The following HS6ST3 variants were observed in gnomAD, a reference collection of about 807,000 sequenced individuals.
The protein encoded by HS6ST3 is heparan sulfate 6-O-sulfotransferase 3.
Under a neutral mutation model 36.7 loss-of-function variants are expected in HS6ST3, and 12 were observed. The ratio of observed to expected loss-of-function variants is 0.33; its 90% CI spans 0.21 to 0.53. The LOEUF (loss-of-function observed/expected upper bound fraction) is 0.53, where lower values mean the gene tolerates loss of function less well. Ranked by LOEUF, HS6ST3 falls within the 20% of genes least tolerant of loss-of-function variation. The pLI is 0.95. For missense variants in HS6ST3, 584 were observed against 640.9 expected (o/e 0.91, Z 0.96); for synonymous variants, 240 against 257.5 (o/e 0.93, Z 0.65).
chr13:96,664,976 A>G (rs528113238), intron 1 of HS6ST3, among the ~76,000 whole-genome samples: 107 of 152,156 alleles, frequency 7.0e-4, no homozygotes, highest in Non-Finnish European at 1.3e-3. Context: ...GTCCAAGACC[A>G]GCCCGGGCAA....
At chr13:96,374,187 G>A (rs1401612230) in intron 1 of HS6ST3, among the ~76,000 whole-genome samples, 1 of 151,976 alleles carries the variant, frequency 6.6e-6, no homozygotes. Context: ...AATCTTTACA[G>A]TATTTTTGTT....
At chr13:96,513,421 A>T (rs1478844424) in intron 1 of HS6ST3, among the ~76,000 whole-genome samples, 1 of 151,982 alleles carries the variant, frequency 6.6e-6, no homozygotes, top group Non-Finnish European at 1.5e-5. Flanking sequence ...GTCTGTATGC[A>T]TTGCCATAAT....
intron 1 of HS6ST3, among the ~76,000 whole-genome samples, chr13:96,352,622 C>G (rs1480529766): frequency 6.6e-6 from 1 of 152,104 alleles, no homozygotes; most frequent in East Asian, 1.9e-4. Context: ...GGAGACTGCC[C>G]AAGGACATGA....
At position 96,274,839 on chromosome 13, in the gene HS6ST3, T is replaced by TCACACACA. The variant is rs60430769; in HGVS notation, c.707+183318_707+183325dup. Among the ~76,000 whole-genome samples, 533 of 126,170 alleles carry TCACACACA rather than the reference T, an allele frequency of 4.2e-3. 7 individuals carry two copies. The highest frequency in any genetic ancestry group is 5.4e-3 in the Non-Finnish European group (326 of 59,920). 82.8% of individuals were successfully genotyped at this position (126,170 alleles called of 152,430 possible). ...ATCAGTGATTAGCTAACTTAGTCCT[T>TCACACACA]CACACACACACACACACACACACAC... On this transcript the variant is annotated intron_variant, in intron 1 of 1. Coordinates refer to ENST00000376705, the MANE Select transcript of HS6ST3 (RefSeq NM_153456.4).
Position 96,318,414 on chromosome 13 carries a change from C to A in HS6ST3, c.707+226845C>A, listed in dbSNP as rs187614757. Among the ~76,000 whole-genome samples the A allele has an allele frequency of 7.1e-4, 108 of 152,290 alleles. 2 individuals are homozygous for A. Among genetic ancestry groups the A allele is most frequent in the African/African-American group, 2.5e-3 (104 of 41,558 alleles). ...AGGTATGGTGGCAGCTGCCTGTAAT[C>A]CCAGCTACTTGGGAGGCTGAGGCAG... is the stretch of plus-strand genomic sequence containing the variant. On this transcript the variant is annotated intron_variant, in intron 1 of 1. Coordinates refer to ENST00000376705, the MANE Select transcript of HS6ST3 (RefSeq NM_153456.4).
At chr13:96,164,268 T>C (rs1320429566) in intron 1 of HS6ST3, among the ~76,000 whole-genome samples, 1 of 152,190 alleles carries the variant, frequency 6.6e-6, no homozygotes, top group Non-Finnish European at 1.5e-5. Flanking sequence ...CATGCATGGC[T>C]AGTGTTAAGC....
chr13:96,166,571 C>A (rs1391636284), intron 1 of HS6ST3, among the ~76,000 whole-genome samples: 7 of 140,538 alleles, frequency 5.0e-5, no homozygotes. Flanking sequence ...TTCTTTCTTT[C>A]TTTCTTTTTT....
intron 1 of HS6ST3, among the ~76,000 whole-genome samples, chr13:96,132,969 C>T (rs370960143): frequency 4.0e-5 from 6 of 151,070 alleles, no homozygotes; most frequent in South Asian, 2.1e-4. Context: ...TTTTTTTAAT[C>T]GGGTTATTTG....
At chr13:96,609,711 A>G (rs909704662) in intron 1 of HS6ST3, among the ~76,000 whole-genome samples, 5 of 152,236 alleles carry the variant, frequency 3.3e-5, no homozygotes, top group African/African-American at 9.6e-5. Context: ...ATTTTCTTCA[A>G]TTATGAAGCA....
chr13:96,164,855 T>G (rs2054153415), intron 1 of HS6ST3, among the ~76,000 whole-genome samples: 1 of 152,192 alleles, frequency 6.6e-6, no homozygotes, highest in South Asian at 2.1e-4. Flanking sequence ...ACAGATTTTT[T>G]TTTTAATTAC....
chr13:96,138,700 G>A (rs1273722104), intron 1 of HS6ST3, among the ~76,000 whole-genome samples: 2 of 151,956 alleles, frequency 1.3e-5, no homozygotes, highest in East Asian at 3.8e-4. Flanking sequence ...GCTTGGTTAA[G>A]TGGATAGTAA....
chr13:96,168,034 A>C (rs1288976946), intron 1 of HS6ST3, among the ~76,000 whole-genome samples: 1 of 152,322 alleles, frequency 6.6e-6, no homozygotes, highest in East Asian at 1.9e-4. Context: ...GAACAAATCG[A>C]AAGTTTTATT....
At chr13:96,632,781 C>T (rs1265885541) in intron 1 of HS6ST3, among the ~76,000 whole-genome samples, 1 of 152,130 alleles carries the variant, frequency 6.6e-6, no homozygotes, top group Non-Finnish European at 1.5e-5. Flanking sequence ...TCGTTGTTAG[C>T]ATCAGCGATG....
intron 1 of HS6ST3, among the ~76,000 whole-genome samples, chr13:96,100,074 G>T (rs142251112): frequency 6.6e-6 from 1 of 151,830 alleles, no homozygotes; most frequent in African/African-American, 2.4e-5. Flanking sequence ...TACAAAGGAG[G>T]GAGAGAAGAA....
At chr13:96,771,445 A>G (rs1877262561) in intron 1 of HS6ST3, among the ~76,000 whole-genome samples, 1 of 152,238 alleles carries the variant, frequency 6.6e-6, no homozygotes. Flanking sequence ...AAGTAAAAAA[A>G]TAAAAGAATA....
At chr13:96,638,389 T>C (rs1171038192) in intron 1 of HS6ST3, among the ~76,000 whole-genome samples, 1 of 152,060 alleles carries the variant, frequency 6.6e-6, no homozygotes, top group Non-Finnish European at 1.5e-5. Flanking sequence ...AATTGGTTAA[T>C]CTTAGGCAAG....
intron 1 of HS6ST3, among the ~76,000 whole-genome samples, chr13:96,431,975 C>T (rs1375029865): frequency 6.6e-6 from 1 of 152,212 alleles, no homozygotes; most frequent in Non-Finnish European, 1.5e-5. Flanking sequence ...TTCATTCCCT[C>T]ATAGCACAAT....
At chr13:96,323,002 C>T (rs1335597333) in intron 1 of HS6ST3, among the ~76,000 whole-genome samples, 1 of 152,126 alleles carries the variant, frequency 6.6e-6, no homozygotes, top group Admixed American at 6.5e-5. Context: ...CTCGCTAGTT[C>T]CCTTTCACCC....
At chr13:96,170,100 C>T (rs895262849) in intron 1 of HS6ST3, among the ~76,000 whole-genome samples, 3 of 152,180 alleles carry the variant, frequency 2.0e-5, no homozygotes, top group Non-Finnish European at 4.4e-5. Context: ...TGTTTCATGA[C>T]CATCACATAA....
Sources: allele counts gnomAD v4.1 joint callset (sites outside exome capture counted in the v4.1 genomes callset), GRCh38; gene constraint gnomAD v4.1.1; transcripts MANE v1.5; gene names NCBI Gene and HGNC (gene_info 2026-07-23, HGNC 2026-07-21).